COL4A1: variants seen among roughly 807,000 people sequenced by gnomAD.
The protein encoded by COL4A1 is collagen alpha-1(IV) chain.
Under a neutral mutation model 216.6 loss-of-function variants are expected in COL4A1, and 40 were observed. The observed-to-expected ratio is 0.18, with a 90% CI of 0.14 to 0.24. The LOEUF (loss-of-function observed/expected upper bound fraction) is 0.24, where lower values mean the gene tolerates loss of function less well. Among genes scored for constraint, COL4A1 ranks in the 10% least tolerant of loss-of-function variants. The pLI is 1.00. For synonymous variants in COL4A1, 839 were observed against 810.7 expected (o/e 1.03, Z -0.59); for missense variants, 1,628 against 2,196.8 (o/e 0.74, Z 5.18).
At position 110,210,046 on chromosome 13, in the gene COL4A1, G is replaced by C. The variant is rs1879707119; in HGVS notation, c.553-4C>G. The C allele has an allele frequency of 4.3e-6, 7 of 1,614,050 alleles. No individual in the cohort carries two copies. The highest frequency in any genetic ancestry group is 5.9e-6 in the Non-Finnish European group (7 of 1,180,010). On this transcript the variant is annotated splice_polypyrimidine_tract_variant and splice_region_variant and intron_variant, in intron 9 of 51. Coordinates refer to ENST00000375820, the MANE Select transcript of COL4A1 (RefSeq NM_001845.6). ...GCCCTGGCAGTCCTGGTGGGCCCTA[G>C]AATGCATGAGAAAGAAATGAGTTCA...
intron 24 of COL4A1, among the ~76,000 whole-genome samples, chr13:110,190,347 C>T (rs577618523): frequency 6.6e-6 from 1 of 152,266 alleles, no homozygotes; most frequent in African/African-American, 2.4e-5. Flanking sequence ...AATCTGACAC[C>T]TACGCTGTCT....
chr13:110,276,904 G>C (rs903754025), intron 1 of COL4A1, among the ~76,000 whole-genome samples: 3 of 152,206 alleles, frequency 2.0e-5, no homozygotes, highest in Non-Finnish European at 4.4e-5. Context: ...CCATATTCTA[G>C]AAGTTTTTGA....
chr13:110,201,029 A>ACCACC (rs2139190500), intron 19 of COL4A1, 140 bp from the exon 20 acceptor site: 1 of 880,830 alleles, frequency 1.1e-6, no homozygotes, highest in African/African-American at 1.7e-5. Flanking sequence ...AGAGCGGGAG[A>ACCACC]CCACCCGAGC....
chr13:110,191,537 T>C (rs1330647349), intron 24 of COL4A1: 1 of 584,402 alleles, frequency 1.7e-6, no homozygotes, highest in Non-Finnish European at 3.0e-6. Flanking sequence ...CTCTTCTATT[T>C]AGTGGATTCT....
Position 110,155,312 on chromosome 13 carries a change from A to G in COL4A1, c.4726T>C (p.Ser1576Pro), listed in dbSNP as rs1876730944. Residue 1576 changes from serine (S) to proline (P), a missense_variant, in exon 50 of 52, where the codon TCG (serine) becomes CCG (proline). Ser to Pro is a moderately conservative substitution (Grantham distance 74). Coordinates refer to ENST00000375820, the MANE Select transcript of COL4A1 (RefSeq NM_001845.6). ...QIPPCPSGWS[S>P]LWIGYSFVMH... ...ACAAAAGAGTAGCCGATCCACAGCG[A>G]GGACCACCCGCTGGGGCACGGTGGG... 6.2e-7 allele frequency: 1 copy of G among 1,613,870 alleles called. No individual in the cohort carries two copies. The highest frequency in any genetic ancestry group is 8.5e-7 in the Non-Finnish European group (1 of 1,179,820).
intron 1 of COL4A1, among the ~76,000 whole-genome samples, chr13:110,299,124 G>A (rs1464817700): frequency 3.9e-5 from 6 of 152,232 alleles, no homozygotes; most frequent in Non-Finnish European, 7.3e-5. Context: ...AAGAGAACGG[G>A]GAGGGCCATG....
At position 110,212,723 on chromosome 13, in the gene COL4A1, A is replaced by G. The variant is rs944600867; in HGVS notation, c.280-105T>C. 8 of 1,331,282 alleles carry G rather than the reference A, an allele frequency of 6.0e-6. No individual in the cohort carries two copies. In the African/African-American group the frequency reaches 1.2e-4, roughly 19 times the overall value. 82.5% of individuals were successfully genotyped at this position (1,331,282 alleles called of 1,614,324 possible). A position where few individuals can be genotyped will look rare whatever the true frequency, so the allele number is the denominator to read the frequency against. On this transcript the variant is annotated intron_variant, in intron 4 of 51. Coordinates refer to ENST00000375820, the MANE Select transcript of COL4A1 (RefSeq NM_001845.6). The stretch of plus-strand genomic sequence containing the variant: ...GAGTCATGCCCTCATTTTTGGTGTC[A>G]GAACACACACAAAGCAGACAGAGCA...
chr13:110,165,993 C>A lies in COL4A1; in HGVS notation c.4021+239G>T, dbSNP rs142941752. Among the ~76,000 whole-genome samples the A allele has an allele frequency of 3.5e-4, 53 of 152,276 alleles. No homozygotes were observed. The East Asian group carries it at 9.4e-3, about 27-fold the overall frequency. On this transcript the variant is annotated intron_variant, in intron 45 of 51. Coordinates refer to ENST00000375820, the MANE Select transcript of COL4A1 (RefSeq NM_001845.6). ...CCTGTCAGTGAGAACCTCGGCCACCCCTCCCCTGGAGTTCCCTCAGTCCTG... is the reference window on the plus strand; with the variant it reads ...CCTGTCAGTGAGAACCTCGGCCACCACTCCCCTGGAGTTCCCTCAGTCCTG...
intron 2 of COL4A1, among the ~76,000 whole-genome samples, chr13:110,225,584 A>T (rs541867965): frequency 1.3e-5 from 2 of 152,344 alleles, no homozygotes; most frequent in East Asian, 1.9e-4. Flanking sequence ...TCCATCTCAA[A>T]AAATAAATAA....
In COL4A1 at chr13:110,155,307, C is replaced by G. The variant is rs773014501; in HGVS notation, c.4731G>C (p.Leu1577=). 5 of 1,614,014 alleles carry G rather than the reference C, an allele frequency of 3.1e-6. No homozygotes were observed. In the Admixed American group the frequency reaches 8.3e-5, roughly 27 times the overall value. The change falls in exon 50 of 52, where the codon CTG becomes CTC. Residue 1577 remains leucine (L), a synonymous_variant. Coordinates refer to ENST00000375820, the MANE Select transcript of COL4A1 (RefSeq NM_001845.6). ...IPPCPSGWSS[L]WIGYSFVMHT... ...CCATCACAAAAGAGTAGCCGATCCA[C>G]AGCGAGGACCACCCGCTGGGGCACG...
chr13:110,209,744 T>C (rs1321445696), intron 10 of COL4A1: 1 of 758,942 alleles, frequency 1.3e-6, no homozygotes, highest in Non-Finnish European at 2.4e-6. Flanking sequence ...ATGACTGCAT[T>C]ATTTGTTTCA....
Position 110,150,197 on chromosome 13 carries a change from G to C in COL4A1, c.*166C>G. On this transcript the variant is annotated 3_prime_UTR_variant, in exon 52 of 52. Coordinates refer to ENST00000375820, the MANE Select transcript of COL4A1 (RefSeq NM_001845.6). The stretch of plus-strand genomic sequence containing the variant: ...CTGTCTTTTTCTCCTTCAGCAAGTA[G>C]AGGTCAATGAAGCAGGGTGTGTTAG... The C allele has an allele frequency of 1.4e-6, 1 of 701,168 alleles. No homozygotes were observed. The highest frequency in any genetic ancestry group is 2.6e-6 in the Non-Finnish European group (1 of 388,426). The allele number at this position is 701,168 out of a possible 1,614,324, so 43.4% of individuals were successfully genotyped here. A position where few individuals can be genotyped will look rare whatever the true frequency, so the allele number is the denominator to read the frequency against.
At position 110,256,778 on chromosome 13, in the gene COL4A1, A is replaced by T. The variant is rs527625400; in HGVS notation, c.85-14044T>A. ...CTATCCGATACTTTCAGCAACAAGG[A>T]TAGCAAATAGATATTCTTTCCTGTG... On this transcript the variant is annotated intron_variant, in intron 1 of 51. Transcript: ENST00000375820. 3.3e-5 allele frequency among the ~76,000 whole-genome samples: 5 copies of T among 152,276 alleles called. No individual in the cohort carries two copies. The South Asian group carries it at 1.0e-3, about 32-fold the overall frequency.
chr13:110,150,713 G>A (rs564935145), intron 51 of COL4A1, among the ~76,000 whole-genome samples: 9 of 152,186 alleles, frequency 5.9e-5, no homozygotes, highest in Admixed American at 2.6e-4. Context: ...CTGAAGTCCC[G>A]CCACATCAGT....
Position 110,176,451 on chromosome 13 carries a change from CT to C in COL4A1, c.3030del (p.Gly1011AspfsTer47). 6.2e-7 allele frequency: 1 copy of C among 1,613,926 alleles called. No individual in the cohort carries two copies. The highest frequency in any genetic ancestry group is 8.5e-7 in the Non-Finnish European group (1 of 1,179,770). The stretch of plus-strand genomic sequence containing the variant: ...GGCAAGCCCATTCCACCAACAGATC[CT>C]TTTGGTCCCGGAAGTCCTGGAGCAC... ...TPGAPGLPGP[K>X]GSVGGMGLPG... On this transcript the variant is annotated frameshift_variant, in exon 36 of 52. Coordinates refer to ENST00000375820, the MANE Select transcript of COL4A1 (RefSeq NM_001845.6). LOFTEE classifies it high-confidence loss of function.
chr13:110,185,932 G>C (rs1878380904), intron 26 of COL4A1, among the ~76,000 whole-genome samples: 1 of 152,218 alleles, frequency 6.6e-6, no homozygotes. Flanking sequence ...AACCACCATG[G>C]AATGAAATCG....
chr13:110,150,020 CA>C lies in COL4A1; in HGVS notation c.*342del. On this transcript the variant is annotated 3_prime_UTR_variant, in exon 52 of 52. Coordinates refer to ENST00000375820, the MANE Select transcript of COL4A1 (RefSeq NM_001845.6). ...ATTATAATACAAGAATGAAAATGGG[CA>C]AACAGTATGGAAGGCACCCACACCT... 3 of 361,532 alleles carry C rather than the reference CA, an allele frequency of 8.3e-6. No homozygotes were observed. Among genetic ancestry groups the C allele is most frequent in the Non-Finnish European group, 1.6e-5 (3 of 187,456 alleles). 22.4% of individuals were successfully genotyped at this position (361,532 alleles called of 1,614,324 possible). A position where few individuals can be genotyped will look rare whatever the true frequency, so the allele number is the denominator to read the frequency against.
chr13:110,212,214 AAAAG>A (rs1330346345), intron 6 of COL4A1, among the ~76,000 whole-genome samples, 199 bp downstream of exon 6: 3 of 152,254 alleles, frequency 2.0e-5, no homozygotes, highest in Non-Finnish European at 2.9e-5. Context: ...AAGTCTACAA[AAAAG>A]AAAGGAACAA....
chr13:110,262,524 C>G (rs1882871432), intron 1 of COL4A1, among the ~76,000 whole-genome samples: 1 of 152,104 alleles, frequency 6.6e-6, no homozygotes, highest in African/African-American at 2.4e-5. Flanking sequence ...ACTGATCTTC[C>G]TCCTCCCTCT....
Sources: allele counts gnomAD v4.1 joint callset (sites outside exome capture counted in the v4.1 genomes callset), GRCh38; gene constraint gnomAD v4.1.1; transcripts MANE v1.5; gene names NCBI Gene and HGNC (gene_info 2026-07-23, HGNC 2026-07-21).